The following SORCS3 variants were observed in gnomAD, a reference collection of about 807,000 sequenced individuals.
SORCS3 encodes the protein VPS10 domain-containing receptor SorCS3.
A neutral mutation model predicts 146.3 loss-of-function variants in SORCS3; 57 were observed. The observed-to-expected ratio is 0.39, with a 90% CI of 0.31 to 0.49. The LOEUF (loss-of-function observed/expected upper bound fraction) is 0.49. SORCS3 is among the 20% of genes least tolerant of loss of function. SORCS3 has a pLI of 0.92. For missense variants in SORCS3, 1,341 were observed against 1,575.5 expected, an observed-to-expected ratio of 0.85 and a Z score of 2.52; for synonymous variants, 653 against 618.5, an observed-to-expected ratio of 1.06 and a Z score of -0.83.
intron 1 of SORCS3, among the ~76,000 whole-genome samples, chr10:104,766,807 A>G (rs1484820521): frequency 1.3e-5 from 2 of 152,206 alleles, no homozygotes; most frequent in East Asian, 1.9e-4. Context: ...GGTGGAGTAT[A>G]ATTCTCCATT....
At chr10:104,987,023 C>A (rs190391880) in intron 4 of SORCS3, among the ~76,000 whole-genome samples, 1 of 152,190 alleles carries the variant, frequency 6.6e-6, no homozygotes, top group Non-Finnish European at 1.5e-5. Flanking sequence ...TTTGTAAAAA[C>A]CCCAATATCT....
At chr10:104,719,205 C>T (rs2016514900) in intron 1 of SORCS3, among the ~76,000 whole-genome samples, 1 of 152,172 alleles carries the variant, frequency 6.6e-6, no homozygotes, top group Admixed American at 6.5e-5. Context: ...TAGCTAATGG[C>T]TGCCGTATTG....
At chr10:105,100,264 A>T (rs969863380) in intron 6 of SORCS3, among the ~76,000 whole-genome samples, 13 of 152,214 alleles carry the variant, frequency 8.5e-5, no homozygotes, top group Non-Finnish European at 2.9e-5. Context: ...TTAGGAAGAC[A>T]TTTTACATTT....
intron 3 of SORCS3, among the ~76,000 whole-genome samples, chr10:104,942,342 G>A (rs762371394): frequency 7.2e-5 from 11 of 151,964 alleles, no homozygotes; most frequent in East Asian, 1.9e-4. Context: ...AAGTCACCAG[G>A]CCCAGATGGC....
intron 4 of SORCS3, among the ~76,000 whole-genome samples, chr10:104,993,454 G>A (rs894961353): frequency 2.0e-5 from 3 of 152,246 alleles, no homozygotes; most frequent in Admixed American, 2.0e-4. Flanking sequence ...GTTTGGTAGA[G>A]ATACCAGGGT....
At chr10:105,111,942 A>C (rs1429382043) in intron 7 of SORCS3, among the ~76,000 whole-genome samples, 3 of 152,216 alleles carry the variant, frequency 2.0e-5, no homozygotes, top group Non-Finnish European at 4.4e-5. Context: ...AGGACCTCTT[A>C]TATAAGGGGC....
chr10:105,249,859 C>T (rs1042874404), intron 22 of SORCS3, among the ~76,000 whole-genome samples: 14 of 151,238 alleles, frequency 9.3e-5, no homozygotes, highest in South Asian at 2.1e-4. Context: ...ACACTCCAGG[C>T]GACAGAGTGA....
intron 4 of SORCS3, among the ~76,000 whole-genome samples, chr10:104,979,575 G>A (rs1004475206): frequency 6.6e-6 from 1 of 152,064 alleles, no homozygotes; most frequent in Non-Finnish European, 1.5e-5. Flanking sequence ...TTGTGTGTGT[G>A]TGTGTGTGCA....
At chr10:105,102,846 G>T (rs1391055184) in intron 6 of SORCS3, among the ~76,000 whole-genome samples, 1 of 127,230 alleles carries the variant, frequency 7.9e-6, no homozygotes, top group Non-Finnish European at 1.5e-5. Context: ...CTGGAGTACC[G>T]TGGCGCGATC....
chr10:104,892,640 T>G (rs971621916), intron 2 of SORCS3, among the ~76,000 whole-genome samples: 4 of 152,134 alleles, frequency 2.6e-5, no homozygotes, highest in Non-Finnish European at 4.4e-5. Context: ...TGAGAATCAC[T>G]TGTACCCGGG....
chr10:105,221,335 G>A (rs751267782), intron 19 of SORCS3, among the ~76,000 whole-genome samples: 1 of 152,136 alleles, frequency 6.6e-6, no homozygotes, highest in Non-Finnish European at 1.5e-5. Flanking sequence ...TCAGGAGAAT[G>A]CTCACTGAAG....
At chr10:105,240,477 A>G (rs1235795822) in intron 20 of SORCS3, among the ~76,000 whole-genome samples, 1 of 152,182 alleles carries the variant, frequency 6.6e-6, no homozygotes, top group Non-Finnish European at 1.5e-5. Flanking sequence ...CCTGTAGTCT[A>G]CCATTAGTAT....
At chr10:104,658,729 A>G (rs1455598088) in intron 1 of SORCS3, among the ~76,000 whole-genome samples, 3 of 151,708 alleles carry the variant, frequency 2.0e-5, no homozygotes, top group Admixed American at 1.3e-4. Context: ...ATTATTGTGC[A>G]TGATGATGAT....
At chr10:105,145,934 C>T (rs1480155473) in intron 8 of SORCS3, among the ~76,000 whole-genome samples, 3 of 152,024 alleles carry the variant, frequency 2.0e-5, no homozygotes, top group Non-Finnish European at 4.4e-5. Context: ...TGGAGGAGCT[C>T]TCTGTGGTGC....
At chr10:104,774,576 T>G (rs2017287872) in intron 1 of SORCS3, among the ~76,000 whole-genome samples, 1 of 152,188 alleles carries the variant, frequency 6.6e-6, no homozygotes, top group South Asian at 2.1e-4. Context: ...CTTCTGTCTG[T>G]GGCCATGACT....
In SORCS3 at chr10:105,075,841, G is replaced by A. The variant is rs2055585486; in HGVS notation, c.1029-13934G>A. Among the ~76,000 whole-genome samples the A allele has an allele frequency of 2.0e-5, 3 of 152,110 alleles. No homozygotes were observed. The South Asian group carries it at 6.2e-4, about 32-fold the overall frequency. On this transcript the variant is annotated intron_variant, in intron 5 of 26. Transcript: ENST00000369701. ...CCCAGCAACCTCTTCAATTTGCAGA[G>A]GAAGAGACTGTACCCAAAGAGATCA...
intron 3 of SORCS3, among the ~76,000 whole-genome samples, chr10:104,973,825 G>A (rs1425268576): frequency 6.9e-5 from 10 of 145,350 alleles, no homozygotes; most frequent in Non-Finnish European, 1.0e-4. Context: ...TTTCTCTTGT[G>A]GGCATTTAGT....
intron 6 of SORCS3, among the ~76,000 whole-genome samples, chr10:105,090,410 C>T (rs1254857811): frequency 1.3e-5 from 2 of 152,132 alleles, no homozygotes; most frequent in Non-Finnish European, 2.9e-5. Flanking sequence ...AACACATGAC[C>T]CGCTGTGTAC....
At chr10:104,670,937 A>T (rs2015843973) in intron 1 of SORCS3, among the ~76,000 whole-genome samples, 1 of 151,634 alleles carries the variant, frequency 6.6e-6, no homozygotes, top group South Asian at 2.1e-4. Context: ...TTATAAATGA[A>T]ATTGTTTTCA....
Sources: gnomAD v4.1 joint callset for allele counts (sites outside exome capture counted in the v4.1 genomes callset) on GRCh38, gnomAD v4.1.1 for gene constraint, MANE v1.5 for transcripts, NCBI Gene and HGNC (gene_info 2026-07-23, HGNC 2026-07-21) for gene names.